GUCY1A2: variants seen among roughly 807,000 people sequenced by gnomAD.
The protein encoded by GUCY1A2 is guanylate cyclase soluble subunit alpha-2.
GUCY1A2 carries 27 observed loss-of-function variants against 63.5 expected under a neutral mutation model. The ratio of observed to expected loss-of-function variants is 0.43; its 90% CI spans 0.31 to 0.59. The LOEUF (loss-of-function observed/expected upper bound fraction) is 0.59, where lower values mean the gene tolerates loss of function less well. Ranked by LOEUF, GUCY1A2 falls within the 20% of genes least tolerant of loss-of-function variation. The pLI, the probability that GUCY1A2 is intolerant of heterozygous loss-of-function variation, is 0.11. For synonymous variants in GUCY1A2, 364 were observed against 343.5 expected (o/e 1.06, Z -0.66); for missense variants, 768 against 913.3 (o/e 0.84, Z 2.05).
chr11:106,773,018 C>T (rs940794207), intron 6 of GUCY1A2, among the ~76,000 whole-genome samples: 1 of 152,092 alleles, frequency 6.6e-6, no homozygotes, highest in Non-Finnish European at 1.5e-5. Flanking sequence ...GGTTAGAAAA[C>T]TCTCTTTCCA....
chr11:106,901,896 T>C (rs552709346), intron 4 of GUCY1A2, among the ~76,000 whole-genome samples: 7 of 152,244 alleles, frequency 4.6e-5, no homozygotes, highest in Non-Finnish European at 8.8e-5. Context: ...CTGACGGACA[T>C]TTTGGTTGGT....
rs189088708 is a variant in GUCY1A2 at position 106,927,658 on chromosome 11, G to A, written c.1206+11802C>T. ...CGGCTCACTGCAAGCTCCACCTTCC[G>A]GGTTCACGCCATTCTCCTGCCTCAA... On this transcript the variant is annotated intron_variant, in intron 4 of 7. Transcript: ENST00000526355. Among the ~76,000 whole-genome samples, 75 of 151,374 alleles carry A rather than the reference G, an allele frequency of 5.0e-4. No homozygotes were observed. In the East Asian group the frequency reaches 8.4e-3, roughly 17 times the overall value.
At chr11:106,779,677 C>T (rs1864424443) in intron 5 of GUCY1A2, among the ~76,000 whole-genome samples, 1 of 151,768 alleles carries the variant, frequency 6.6e-6, no homozygotes, top group Admixed American at 6.6e-5. Context: ...GCATTGAATT[C>T]CATTAAATAT....
intron 6 of GUCY1A2, among the ~76,000 whole-genome samples, chr11:106,768,999 C>T (rs1255817926): frequency 4.6e-5 from 7 of 152,092 alleles, no homozygotes; most frequent in Non-Finnish European, 8.8e-5. Flanking sequence ...GAGACCAAAA[C>T]CCAGCTTTAA....
chr11:106,750,794 C>CA (rs1863869372), intron 6 of GUCY1A2, among the ~76,000 whole-genome samples: 1 of 148,526 alleles, frequency 6.7e-6, no homozygotes. Context: ...ATGCGATTTC[C>CA]TTTTTTTTTT....
intron 2 of GUCY1A2, among the ~76,000 whole-genome samples, chr11:106,980,967 T>C (rs1047824974): frequency 6.6e-6 from 1 of 152,194 alleles, no homozygotes; most frequent in African/African-American, 2.4e-5. Flanking sequence ...AATTTCCTCA[T>C]CTGTAAAATG....
chr11:106,814,614 A>G (rs765008188), intron 4 of GUCY1A2, among the ~76,000 whole-genome samples: 2 of 152,070 alleles, frequency 1.3e-5, no homozygotes, highest in African/African-American at 4.8e-5. Context: ...AGACATAAGG[A>G]TATCTGACCT....
At chr11:106,841,407 A>G (rs1401185759) in intron 4 of GUCY1A2, among the ~76,000 whole-genome samples, 2 of 151,922 alleles carry the variant, frequency 1.3e-5, no homozygotes, top group Non-Finnish European at 1.5e-5. Flanking sequence ...TTCAAACAAG[A>G]TTACAAATTC....
chr11:106,880,403 G>A (rs1859807817), intron 4 of GUCY1A2, among the ~76,000 whole-genome samples: 1 of 151,916 alleles, frequency 6.6e-6, no homozygotes, highest in South Asian at 2.1e-4. Flanking sequence ...AACTGTAGTG[G>A]TTCTCCTGTC....
At chr11:106,850,139 C>T (rs533346222) in intron 4 of GUCY1A2, among the ~76,000 whole-genome samples, 39 of 151,794 alleles carry the variant, frequency 2.6e-4, no homozygotes, top group African/African-American at 8.7e-4. Flanking sequence ...AACCATATTC[C>T]CATGTTTCCT....
In GUCY1A2 at chr11:106,978,753, C is replaced by A. The variant is rs200763642; in HGVS notation, c.366-13G>T. Reference sequence around the variant, plus strand: ...TGCATCCCTGTAACTAAGAAGAAAACAAAATTAGCATAAGGAGAAATTTTT... The same window carrying A: ...TGCATCCCTGTAACTAAGAAGAAAAAAAAATTAGCATAAGGAGAAATTTTT... On this transcript the variant is annotated splice_polypyrimidine_tract_variant and intron_variant, in intron 2 of 7. Transcript: ENST00000526355. 1 of 1,583,610 alleles carries A rather than the reference C, an allele frequency of 6.3e-7. No homozygotes were observed. The highest frequency in any genetic ancestry group is 8.6e-7 in the Non-Finnish European group (1 of 1,166,294).
chr11:106,891,482 G>A (rs905416926), intron 4 of GUCY1A2, among the ~76,000 whole-genome samples: 4 of 151,912 alleles, frequency 2.6e-5, no homozygotes, highest in African/African-American at 9.7e-5. Flanking sequence ...TATTGTTTGT[G>A]CCTACTATAT....
At chr11:106,895,724 T>A (rs376322114) in intron 4 of GUCY1A2, among the ~76,000 whole-genome samples, 1 of 152,122 alleles carries the variant, frequency 6.6e-6, no homozygotes, top group South Asian at 2.1e-4. Context: ...AGCATGAGAA[T>A]GGACTAATAC....
chr11:106,969,028 A>G (rs977558807), intron 3 of GUCY1A2, among the ~76,000 whole-genome samples: 2 of 152,190 alleles, frequency 1.3e-5, no homozygotes, highest in African/African-American at 2.4e-5. Context: ...AAAATTTAAC[A>G]TATGGAAATC....
intron 4 of GUCY1A2, among the ~76,000 whole-genome samples, chr11:106,858,007 A>G (rs1859460564): frequency 6.6e-6 from 1 of 152,184 alleles, no homozygotes; most frequent in Non-Finnish European, 1.5e-5. Context: ...TTAAACTTCC[A>G]CAAACTAAAC....
At chr11:106,938,542 C>T (rs1860709518) in intron 4 of GUCY1A2, among the ~76,000 whole-genome samples, 1 of 152,084 alleles carries the variant, frequency 6.6e-6, no homozygotes. Flanking sequence ...TTTATTTACC[C>T]TAGTACAAAA....
At chr11:106,702,238 G>T (rs1862829525) in intron 7 of GUCY1A2, among the ~76,000 whole-genome samples, 1 of 152,184 alleles carries the variant, frequency 6.6e-6, no homozygotes. Flanking sequence ...GGAGCTAAAA[G>T]ATGCATGAGA....
At chr11:106,936,528 A>G in intron 4 of GUCY1A2, 1 of 543,652 alleles carries the variant, frequency 1.8e-6, no homozygotes, top group Non-Finnish European at 3.2e-6. Flanking sequence ...ATAATGAGGA[A>G]AAAGAAAATA....
At chr11:106,808,147 C>T (rs923733728) in intron 5 of GUCY1A2, among the ~76,000 whole-genome samples, 1 of 152,142 alleles carries the variant, frequency 6.6e-6, no homozygotes, top group Non-Finnish European at 1.5e-5. Flanking sequence ...GATTAATACA[C>T]TAGCATTGAA....
Sources: allele counts gnomAD v4.1 joint callset (sites outside exome capture counted in the v4.1 genomes callset), GRCh38; gene constraint gnomAD v4.1.1; transcripts MANE v1.5; gene names NCBI Gene and HGNC (gene_info 2026-07-23, HGNC 2026-07-21).